DNMT1: variants seen among roughly 807,000 people sequenced by gnomAD.
DNMT1 encodes the protein DNA (cytosine-5)-methyltransferase 1.
A neutral mutation model predicts 205.3 loss-of-function variants in DNMT1; 24 were observed. The ratio of observed to expected loss-of-function variants is 0.12; its 90% CI spans 0.08 to 0.16. DNMT1 has a LOEUF of 0.16. Ranked by LOEUF, DNMT1 falls within the 10% of genes least tolerant of loss-of-function variation. The probability of loss-of-function intolerance (pLI) is 1.00; values close to 1 mark genes in which losing one functional copy is unlikely to be tolerated. For missense variants in DNMT1, 1,293 were observed against 2,177.7 expected (o/e 0.59, Z 8.09); for synonymous variants, 817 against 839.8 (o/e 0.97, Z 0.47).
At chr19:10,192,215 G>T (rs1004973706) in intron 1 of DNMT1, among the ~76,000 whole-genome samples, 1 of 151,334 alleles carries the variant, frequency 6.6e-6, no homozygotes, top group African/African-American at 2.4e-5. Context: ...GAGCTCAGGG[G>T]TTCAAGGCTG....
chr19:10,174,045 G>A (rs2038882315), intron 7 of DNMT1, 140 bp from the exon 8 acceptor site: 4 of 850,530 alleles, frequency 4.7e-6, no homozygotes, highest in Non-Finnish European at 7.7e-6. Flanking sequence ...TGGGTTTTGG[G>A]GAGAAGATCT....
At chr19:10,189,421 GAT>G (rs2039258731) in intron 1 of DNMT1, among the ~76,000 whole-genome samples, 1 of 140,560 alleles carries the variant, frequency 7.1e-6, no homozygotes, top group South Asian at 2.4e-4. Context: ...ACGCCCAGCT[GAT>G]TTTTTTTTTT....
intron 27 of DNMT1, among the ~76,000 whole-genome samples, chr19:10,148,298 C>T (rs1317208547): frequency 1.3e-5 from 2 of 150,654 alleles, no homozygotes; most frequent in Admixed American, 6.6e-5. Flanking sequence ...AGATCGAGAC[C>T]ATCCTGGCTA....
In DNMT1 at chr19:10,156,312, G is replaced by T; in HGVS notation, c.1399+79C>A. The T allele has an allele frequency of 8.6e-7, 1 of 1,164,240 alleles. No individual in the cohort carries two copies. Among genetic ancestry groups the T allele is most frequent in the Non-Finnish European group, 1.3e-6 (1 of 777,768 alleles). The allele number at this position is 1,164,240 out of a possible 1,614,324, so 72.1% of individuals were successfully genotyped here. ...TCCTCTGGCCTCAGACCCCCAAAGT[G>T]CTAGGATTACAGATGTGAGCCACCC... On this transcript the variant is annotated intron_variant, in intron 18 of 40. Transcript: ENST00000359526. This position sits in a 1 kb window ranked among gnomAD's most constrained non-coding sequence, Gnocchi z 4.2.
rs1335642265 is a variant in DNMT1 at position 10,143,673 on chromosome 19, GAAC to G, written c.3116+90_3116+92del. ...AACAGCTACTTCAACCTAACTCTTAGAACAACTGTGGGTGCTATGCCACAACCT... is the reference window on the plus strand; with the variant it reads ...AACAGCTACTTCAACCTAACTCTTAGAACTGTGGGTGCTATGCCACAACCT... On this transcript the variant is annotated intron_variant, in intron 29 of 40. Coordinates refer to ENST00000359526, the MANE Select transcript of DNMT1 (RefSeq NM_001130823.3). 1.0e-5 allele frequency: 15 copies of G among 1,431,074 alleles called. No individual in the cohort carries two copies. In the Admixed American group the frequency reaches 2.4e-4, roughly 22 times the overall value. 88.6% of individuals were successfully genotyped at this position (1,431,074 alleles called of 1,614,324 possible).
At chr19:10,173,197 C>T in intron 8 of DNMT1, 23 bp from the exon 9 acceptor site, 2 of 1,613,650 alleles carry the variant, frequency 1.2e-6, no homozygotes, top group Non-Finnish European at 1.7e-6. Context: ...ATAACACAGA[C>T]CCCAAGTGTG....
chr19:10,151,918 A>C lies in DNMT1; in HGVS notation c.2020-71T>G. On this transcript the variant is annotated intron_variant, in intron 22 of 40. Coordinates refer to ENST00000359526, the MANE Select transcript of DNMT1 (RefSeq NM_001130823.3). This position sits in a 1 kb window ranked among gnomAD's most constrained non-coding sequence, Gnocchi z 5.0. ...TTCATGCCTGTAATCCCAGTATTTC[A>C]GAAGGCCGAGGCAGGCAGATCACTT... 1 of 1,456,852 alleles carries C rather than the reference A, an allele frequency of 6.9e-7. No individual in the cohort carries two copies. The highest frequency in any genetic ancestry group is 9.6e-7 in the Non-Finnish European group (1 of 1,039,336). 90.2% of individuals were successfully genotyped at this position (1,456,852 alleles called of 1,614,324 possible). A position where few individuals can be genotyped will look rare whatever the true frequency, so the allele number is the denominator to read the frequency against.
intron 1 of DNMT1, among the ~76,000 whole-genome samples, chr19:10,186,025 A>G (rs937357524): frequency 2.0e-5 from 3 of 151,996 alleles, no homozygotes; most frequent in Non-Finnish European, 4.4e-5. Flanking sequence ...ATAGCGTTAC[A>G]CTTGACTTCT....
chr19:10,173,802 T>C, intron 8 of DNMT1, 69 bp downstream of exon 8: 2 of 1,585,644 alleles, frequency 1.3e-6, no homozygotes, highest in Non-Finnish European at 1.7e-6. Context: ...TTAAACTTTC[T>C]GAAAAAGTTT....
At position 10,138,100 on chromosome 19, in the gene DNMT1, C is replaced by T. The variant is rs539093112; in HGVS notation, c.4116-91G>A. 221 of 1,454,398 alleles carry T rather than the reference C, an allele frequency of 1.5e-4. 4 individuals carry two copies. In the South Asian group the frequency reaches 2.5e-3, roughly 17 times the overall value. 90.1% of individuals were successfully genotyped at this position (1,454,398 alleles called of 1,614,324 possible). On this transcript the variant is annotated intron_variant, in intron 35 of 40. Coordinates refer to ENST00000359526, the MANE Select transcript of DNMT1 (RefSeq NM_001130823.3). The surrounding 1 kb of genome is among the most constrained non-coding windows in gnomAD (Gnocchi z 4.1). Reference sequence around the variant, plus strand: ...GCCACCCCCTGCCTGCTCAGATGGCCTTCTCCCGAGATCACAGCACTGCCC... The same window carrying T: ...GCCACCCCCTGCCTGCTCAGATGGCTTTCTCCCGAGATCACAGCACTGCCC...
rs2089509113 is a variant in DNMT1 at position 10,137,424 on chromosome 19, G to A, written c.4294-144C>T. ...CGGGAAAGAGACAGTCAGGGATATC[G>A]CACTTGGCTCGAGGCCACGGCAGGG... On this transcript the variant is annotated intron_variant, in intron 36 of 40. Coordinates refer to ENST00000359526, the MANE Select transcript of DNMT1 (RefSeq NM_001130823.3). The surrounding 1 kb of genome is among the most constrained non-coding windows in gnomAD (Gnocchi z 6.4). The A allele has an allele frequency of 7.4e-6, 8 of 1,086,302 alleles. No individual in the cohort carries two copies. The highest frequency in any genetic ancestry group is 7.9e-6 in the Non-Finnish European group (6 of 759,954). The allele number at this position is 1,086,302 out of a possible 1,614,324, so 67.3% of individuals were successfully genotyped here.
chr19:10,186,360 A>T (rs2039180967), intron 1 of DNMT1, among the ~76,000 whole-genome samples: 1 of 152,076 alleles, frequency 6.6e-6, no homozygotes, highest in Non-Finnish European at 1.5e-5. Context: ...CTTTAGCGAC[A>T]TCCCTTCCCT....
intron 5 of DNMT1, 94 bp downstream of exon 5, chr19:10,180,093 T>C (rs1269231839): frequency 7.9e-6 from 4 of 504,868 alleles, no homozygotes; most frequent in Non-Finnish European, 1.1e-5. Context: ...GCAGGTGGAT[T>C]ACTTGAGGTC....
chr19:10,150,602 A>G (rs1171446380), intron 24 of DNMT1, among the ~76,000 whole-genome samples: 2 of 152,200 alleles, frequency 1.3e-5, no homozygotes, highest in East Asian at 3.8e-4. Context: ...CCTCATAATT[A>G]AGTGAACTGA....
In DNMT1 at chr19:10,154,836, A is replaced by G. The variant is rs2038424031; in HGVS notation, c.1645-63T>C. The stretch of plus-strand genomic sequence containing the variant: ...ACTGGCCTAAATCCAACTGAAGAAC[A>G]GTGTCTGCTGGTTCTGAAGGCAAGT... On this transcript the variant is annotated intron_variant, in intron 20 of 40. Transcript: ENST00000359526. This position sits in a 1 kb window ranked among gnomAD's most constrained non-coding sequence, Gnocchi z 6.3. 5 of 1,614,220 alleles carry G rather than the reference A, an allele frequency of 3.1e-6. No individual in the cohort carries two copies. Among genetic ancestry groups the G allele is most frequent in the Non-Finnish European group, 4.2e-6 (5 of 1,180,028 alleles).
intron 33 of DNMT1, 77 bp from the exon 34 acceptor site, chr19:10,139,894 C>G: frequency 1.3e-6 from 2 of 1,562,010 alleles, no homozygotes; most frequent in Non-Finnish European, 8.6e-7. Flanking sequence ...CCGGAAGCCC[C>G]TCACGAATGT....
rs1023024105 is a variant in DNMT1, at chr19:10,133,950, C to T, written c.4865-249G>A. 3.9e-5 allele frequency among the ~76,000 whole-genome samples: 6 copies of T among 152,234 alleles called. No individual in the cohort carries two copies. Among genetic ancestry groups the T allele is most frequent in the Admixed American group, 6.5e-5 (1 of 15,288 alleles). On this transcript the variant is annotated intron_variant, in intron 40 of 40. Transcript: ENST00000359526. The surrounding 1 kb of genome is among the most constrained non-coding windows in gnomAD (Gnocchi z 4.1). ...CAGGTGCCTGCTGAGCCAAATTCAC[C>T]GAGCAGGAGTGAGGGAAACGGCCCC...
At chr19:10,175,757 G>T in intron 6 of DNMT1, 139 bp from the exon 7 acceptor site, 1 of 850,660 alleles carries the variant, frequency 1.2e-6, no homozygotes, top group Non-Finnish European at 2.0e-6. Context: ...TTAGAATGTT[G>T]TCTTGCCATC....
In DNMT1 at chr19:10,182,094, G is replaced by A; in HGVS notation, c.81-17C>T. ...TCTTTGAGCCTGGGAGGAAGAAATA[G>A]GGGAGAAAATACAAACACTTGTTAA... On this transcript the variant is annotated splice_polypyrimidine_tract_variant and intron_variant, in intron 1 of 40. Transcript: ENST00000359526. 5.0e-6 allele frequency: 8 copies of A among 1,612,418 alleles called. No homozygotes were observed. Among genetic ancestry groups the A allele is most frequent in the Non-Finnish European group, 6.8e-6 (8 of 1,178,738 alleles).
Sources: gnomAD v4.1 joint callset for allele counts (sites outside exome capture counted in the v4.1 genomes callset) on GRCh38, gnomAD v4.1.1 for gene constraint, Gnocchi (gnomAD v3.1) non-coding constraint, MANE v1.5 for transcripts, NCBI Gene and HGNC (gene_info 2026-07-23, HGNC 2026-07-21) for gene names.